The following DMD variants were observed in gnomAD, a reference collection of about 807,000 sequenced individuals.
The protein encoded by DMD is mutant dystrophin.
In DMD, 63 loss-of-function variants were observed where a neutral mutation model predicts 330.1. That is an observed-to-expected ratio of 0.19 (90% CI 0.16 to 0.24). The LOEUF (loss-of-function observed/expected upper bound fraction) is 0.24. Among genes scored for constraint, DMD ranks in the 10% least tolerant of loss-of-function variants. The pLI, the probability that DMD is intolerant of heterozygous loss-of-function variation, is 1.00. For missense variants in DMD, 3,344 were observed against 2,684.1 expected, an observed-to-expected ratio of 1.25 and a Z score of -5.43; for synonymous variants, 1,223 against 959.8, an observed-to-expected ratio of 1.27 and a Z score of -5.07.
intron 51 of DMD, among the ~76,000 whole-genome samples, chrX:31,763,482 G>T (rs1367933611): frequency 8.9e-6 from 1 of 112,152 alleles, no homozygotes; most frequent in East Asian, 2.8e-4. Context: ...AGAATCGCTT[G>T]AACCTAGGTG....
chrX:32,649,997 G>T (rs1316737920), intron 9 of DMD, among the ~76,000 whole-genome samples: 2 of 111,360 alleles, frequency 1.8e-5, no homozygotes, highest in East Asian at 5.6e-4. Context: ...AAAGTTCATT[G>T]AAATGATAAA....
intron 20 of DMD, among the ~76,000 whole-genome samples, chrX:32,487,374 G>T (rs1225522375): frequency 2.7e-5 from 3 of 111,041 alleles, no homozygotes; most frequent in Admixed American, 9.7e-5. Context: ...ATACTTGAGG[G>T]TTAGTTACTA....
At chrX:31,894,032 A>G (rs1188793910) in intron 47 of DMD, among the ~76,000 whole-genome samples, 1 of 111,621 alleles carries the variant, frequency 9.0e-6, no homozygotes, top group Non-Finnish European at 1.9e-5. Context: ...GATGCCTGTG[A>G]ACACAAAAGA....
At chrX:32,768,191 C>A (rs2073213535) in intron 7 of DMD, among the ~76,000 whole-genome samples, 1 of 111,835 alleles carries the variant, frequency 8.9e-6, no homozygotes, top group Non-Finnish European at 1.9e-5. Flanking sequence ...TGCTATCTTG[C>A]AAACACTGTC....
At chrX:32,275,275 G>C (rs1347659487) in intron 43 of DMD, among the ~76,000 whole-genome samples, 1 of 111,931 alleles carries the variant, frequency 8.9e-6, no homozygotes, top group Non-Finnish European at 1.9e-5. Context: ...TATAATAAAT[G>C]ACAGATTAAT....
chrX:32,806,856 C>G (rs1273827989), intron 7 of DMD, among the ~76,000 whole-genome samples: 1 of 110,254 alleles, frequency 9.1e-6, no homozygotes, highest in African/African-American at 3.3e-5. Context: ...GGGTAAATAA[C>G]AGAATTCTGA....
chrX:31,745,349 A>G (rs1233807364), intron 51 of DMD, among the ~76,000 whole-genome samples: 1 of 111,448 alleles, frequency 9.0e-6, no homozygotes, highest in Non-Finnish European at 1.9e-5. Flanking sequence ...AGAACACTAG[A>G]TGCCCAAATA....
Position 31,875,270 on chromosome X carries a change from T to C in DMD, c.7016A>G (p.His2339Arg), listed in dbSNP as rs398124041. Reference protein sequence around the residue: ...KLEDLEEQLNHLLLWLSPIRN... With the variant: ...KLEDLEEQLNRLLLWLSPIRN... ...AATAGGAGATAACCACAGCAGCAGA[T>C]GATTTAACTGCTCTTCAAGGTCTTC... The change falls in exon 48 of 79, where the codon CAT (histidine) becomes CGT (arginine). Residue 2339 changes from histidine to arginine, a missense_variant. By Grantham distance (29) the His-to-Arg change is conservative (BLOSUM62 0). Transcript: ENST00000357033. 4.7e-5 allele frequency: 57 copies of C among 1,205,056 alleles called. 2 individuals are homozygous for C. In the Middle Eastern group the frequency reaches 8.9e-3, roughly 189 times the overall value.
chrX:33,313,991 G>A (rs12556432), intron 1 of DMD, among the ~76,000 whole-genome samples: 44,715 of 104,381 alleles, frequency 0.43, 7,736 homozygotes, highest in African/African-American at 0.64. Context: ...TCATATATAT[G>A]TGTGTGTGTG....
At chrX:32,899,686 A>AG (rs1288650764) in intron 2 of DMD, among the ~76,000 whole-genome samples, 8 of 109,958 alleles carry the variant, frequency 7.3e-5, no homozygotes, top group African/African-American at 2.6e-4. Context: ...AAAAAAAAAA[A>AG]AAAGAAAGAA....
At chrX:32,884,595 T>C (rs1342186419) in intron 2 of DMD, among the ~76,000 whole-genome samples, 2 of 111,949 alleles carry the variant, frequency 1.8e-5, no homozygotes, top group Non-Finnish European at 3.8e-5. Context: ...GTTGCTGGAA[T>C]TGGAACCAGG....
chrX:31,998,416 T>A (rs1200392277), intron 44 of DMD, among the ~76,000 whole-genome samples: 1 of 112,114 alleles, frequency 8.9e-6, no homozygotes, highest in Non-Finnish European at 1.9e-5. Context: ...GATCTGACTG[T>A]GTACTTTTAG....
At chrX:32,977,281 C>T (rs1396690217) in intron 2 of DMD, among the ~76,000 whole-genome samples, 4 of 110,816 alleles carry the variant, frequency 3.6e-5, no homozygotes, top group African/African-American at 9.9e-5. Flanking sequence ...GCCTGAGTGA[C>T]AGAGCAAGAC....
intron 1 of DMD, among the ~76,000 whole-genome samples, chrX:33,230,174 T>C (rs1452505375): frequency 8.9e-6 from 1 of 112,214 alleles, no homozygotes; most frequent in Non-Finnish European, 1.9e-5. Context: ...ATTATAATTG[T>C]TTATAGAGGG....
intron 55 of DMD, among the ~76,000 whole-genome samples, chrX:31,527,905 G>A (rs1409461983): frequency 9.0e-6 from 1 of 111,557 alleles, no homozygotes; most frequent in African/African-American, 3.3e-5. Context: ...TTTGATATGT[G>A]TCTAACGTAC....
chrX:32,322,770 A>G (rs2097625218), intron 41 of DMD, among the ~76,000 whole-genome samples: 1 of 111,456 alleles, frequency 9.0e-6, no homozygotes, highest in African/African-American at 3.3e-5. Context: ...TAGCTTGAAG[A>G]TAGTTGAAAC....
chrX:31,249,153 A>C, intron 63 of DMD, among the ~76,000 whole-genome samples: 1 of 112,119 alleles, frequency 8.9e-6, no homozygotes, highest in Non-Finnish European at 1.9e-5. Flanking sequence ...ATACCATATA[A>C]GGCTTTTCAC....
intron 44 of DMD, among the ~76,000 whole-genome samples, chrX:32,132,226 G>T (rs1381830467): frequency 9.0e-6 from 1 of 111,651 alleles, no homozygotes; most frequent in Non-Finnish European, 1.9e-5. Flanking sequence ...GCATAAATGG[G>T]TGGGTCAGTA....
intron 56 of DMD, among the ~76,000 whole-genome samples, chrX:31,501,240 G>T (rs1438988346): frequency 1.1e-4 from 12 of 112,245 alleles, no homozygotes; most frequent in Admixed American, 5.7e-4. Context: ...CCACCTTGCT[G>T]GGTGGAGCTT....
Sources: allele counts gnomAD v4.1 joint callset (sites outside exome capture counted in the v4.1 genomes callset), GRCh38; gene constraint gnomAD v4.1.1; transcripts MANE v1.5; gene names NCBI Gene and HGNC (gene_info 2026-07-23, HGNC 2026-07-21).